The following PLCXD2 variants were observed in gnomAD, a reference collection of about 807,000 sequenced individuals.
PLCXD2 encodes phosphatidylinositol specific phospholipase C X domain containing 2.
Under a neutral mutation model 28.6 loss-of-function variants are expected in PLCXD2, and 21 were observed. The observed-to-expected ratio is 0.73, with a 90% CI of 0.52 to 1.06. The LOEUF (loss-of-function observed/expected upper bound fraction) is 1.06. Ranked by LOEUF, PLCXD2 falls within the 50% of genes least tolerant of loss-of-function variation. The pLI is 0.00. For missense variants in PLCXD2, 369 were observed against 376.7 expected (o/e 0.98, Z 0.17); for synonymous variants, 140 against 150.1 (o/e 0.93, Z 0.49).
chr3:111,688,663 T>A (rs1195189852), intron 1 of PLCXD2, among the ~76,000 whole-genome samples: 1 of 152,192 alleles, frequency 6.6e-6, no homozygotes, highest in African/African-American at 2.4e-5. Flanking sequence ...ATAAAGATAC[T>A]TTGATCAGGC....
intron 1 of PLCXD2, among the ~76,000 whole-genome samples, chr3:111,692,098 G>C (rs1940886148): frequency 6.6e-6 from 1 of 152,216 alleles, no homozygotes; most frequent in Admixed American, 6.5e-5. Context: ...CTGGAGTGCA[G>C]TGGCGCGATC....
intron 1 of PLCXD2, among the ~76,000 whole-genome samples, chr3:111,705,250 G>A (rs1941100839): frequency 6.6e-6 from 1 of 152,156 alleles, no homozygotes; most frequent in Non-Finnish European, 1.5e-5. Flanking sequence ...ACATATGAGT[G>A]ACAATATGTA....
intron 1 of PLCXD2, chr3:111,677,408 G>A (rs1461391788): frequency 6.6e-6 from 1 of 152,148 alleles, no homozygotes; most frequent in Non-Finnish European, 1.5e-5. Context: ...AAATATAGTA[G>A]GCATTTGGGA....
intron 3 of PLCXD2, chr3:111,722,186 T>A (rs7652136): frequency 1.4e-5 from 1 of 74,016 alleles, no homozygotes; most frequent in South Asian, 4.3e-4. Flanking sequence ...TGTTTTGATT[T>A]ATTTATTTAT....
In PLCXD2 at chr3:111,675,180, C is replaced by A; in HGVS notation, c.-66C>A. The A allele has an allele frequency of 6.4e-7, 1 of 1,559,628 alleles. No homozygotes were observed. Among genetic ancestry groups the A allele is most frequent in the South Asian group, 1.2e-5 (1 of 85,094 alleles). On this transcript the variant is annotated 5_prime_UTR_variant, in exon 1 of 5. Transcript: ENST00000477665. ...CGTCGCCCTGAAACGTCCACAGAGC[C>A]CAAGAAGTGATGATCACTGAGTGAG...
In PLCXD2 at chr3:111,674,894, G is replaced by T. The variant is rs1940595474; in HGVS notation, c.-352G>T. Reference sequence around the variant, plus strand: ...GCAGGCATGTCTGTACACTGGGTGGGCACCTGTCTTGTGAGTGGCTCCGGG... The same window carrying T: ...GCAGGCATGTCTGTACACTGGGTGGTCACCTGTCTTGTGAGTGGCTCCGGG... On this transcript the variant is annotated 5_prime_UTR_variant, in exon 1 of 5. Transcript: ENST00000477665. The T allele has an allele frequency of 4.3e-6, 1 of 232,884 alleles. No homozygotes were observed. Among genetic ancestry groups the T allele is most frequent in the Admixed American group, 5.5e-5 (1 of 18,104 alleles). 14.4% of individuals were successfully genotyped at this position (232,884 alleles called of 1,614,324 possible).
rs779034443 is a variant in PLCXD2, at chr3:111,714,125, A to G, written c.863A>G (p.His288Arg). 1.2e-6 allele frequency: 2 copies of G among 1,612,812 alleles called. No homozygotes were observed. The highest frequency in any genetic ancestry group is 1.1e-5 in the South Asian group (1 of 90,890). ...GGGGGCCTCAAGAACACGCTGGTTC[A>G]TAGGTAAGAATTTGCTTCCACCCCA... The change falls in exon 3 of 5, where the codon CAT becomes CGT. Residue 288 changes from histidine to arginine, a missense_variant. Coordinates refer to ENST00000477665, the MANE Select transcript of PLCXD2 (RefSeq NM_001185106.1).
chr3:111,713,035 C>A (rs1363482360), intron 2 of PLCXD2, among the ~76,000 whole-genome samples: 1 of 152,240 alleles, frequency 6.6e-6, no homozygotes, highest in Non-Finnish European at 1.5e-5. Flanking sequence ...ACTCCCCACT[C>A]TCCTGGGAAG....
At chr3:111,701,525 C>T (rs1941041316) in intron 1 of PLCXD2, among the ~76,000 whole-genome samples, 1 of 152,154 alleles carries the variant, frequency 6.6e-6, no homozygotes, top group Non-Finnish European at 1.5e-5. Context: ...GAAGACAATT[C>T]TAAACCCCCA....
intron 1 of PLCXD2, among the ~76,000 whole-genome samples, chr3:111,697,266 C>A (rs1940973705): frequency 6.6e-6 from 1 of 152,206 alleles, no homozygotes. Flanking sequence ...CAGCTACCCT[C>A]CCAGCAGGCT....
At chr3:111,675,761 G>C (rs549304252) in intron 1 of PLCXD2, among the ~76,000 whole-genome samples, 77 of 152,110 alleles carry the variant, frequency 5.1e-4, no homozygotes, top group African/African-American at 1.8e-3. Flanking sequence ...CAAAGGCAAT[G>C]AATTAAAAGT....
At chr3:111,681,962 A>G (rs1055732018) in intron 1 of PLCXD2, among the ~76,000 whole-genome samples, 2 of 152,210 alleles carry the variant, frequency 1.3e-5, no homozygotes. Flanking sequence ...CACTTTGCCA[A>G]TGCTGACTAA....
intron 1 of PLCXD2, among the ~76,000 whole-genome samples, chr3:111,707,150 C>A (rs1941131981): frequency 6.6e-6 from 1 of 152,088 alleles, no homozygotes; most frequent in African/African-American, 2.4e-5. Flanking sequence ...TGCGTTTGGA[C>A]CATTTAATAG....
rs986928817 is a variant in PLCXD2 at position 111,708,073 on chromosome 3, A to G, written c.311A>G (p.Glu104Gly). The change falls in exon 2 of 5, where the codon GAA becomes GGA. Residue 104 changes from glutamate (E) to glycine (G), a missense_variant. Transcript: ENST00000477665. ...GTGACTCAGAACCTGACATTTCGAG[A>G]ACAGCTGGAAGCTGGGATCCGCTAC... The G allele has an allele frequency of 1.9e-6, 3 of 1,614,234 alleles. No homozygotes were observed. The highest frequency in any genetic ancestry group is 2.5e-6 in the Non-Finnish European group (3 of 1,180,042).
At chr3:111,702,030 G>C (rs1301759918) in intron 1 of PLCXD2, among the ~76,000 whole-genome samples, 1 of 152,100 alleles carries the variant, frequency 6.6e-6, no homozygotes. Context: ...AAGAGTCTGG[G>C]CTAGAAAGGA....
intron 1 of PLCXD2, among the ~76,000 whole-genome samples, chr3:111,700,941 C>G (rs1475812208): frequency 6.6e-6 from 1 of 152,178 alleles, no homozygotes; most frequent in Non-Finnish European, 1.5e-5. Context: ...TTAAGATTTT[C>G]AATGTGGGTG....
Position 111,714,110 on chromosome 3 carries a change from A to G in PLCXD2, c.848A>G (p.Lys283Arg). ...GCCCGGGGCTTGGTTGGGGGCCTCA[A>G]GAACACGCTGGTTCATAGGTAAGAA... The change falls in exon 3 of 5, where the codon AAG (lysine) becomes AGG (arginine). Residue 283 changes from lysine (K) to arginine (R), a missense_variant. Lys to Arg is a conservative substitution (Grantham distance 26, BLOSUM62 2). Transcript: ENST00000477665. 6.2e-7 allele frequency: 1 copy of G among 1,614,122 alleles called. No individual in the cohort carries two copies. Among genetic ancestry groups the G allele is most frequent in the Non-Finnish European group, 8.5e-7 (1 of 1,180,010 alleles).
intron 1 of PLCXD2, among the ~76,000 whole-genome samples, chr3:111,702,714 G>A (rs957612042): frequency 1.3e-4 from 20 of 152,142 alleles, no homozygotes; most frequent in Admixed American, 6.6e-4. Flanking sequence ...AGAGAATAAG[G>A]CAAGGATCAG....
At chr3:111,720,775 G>T in intron 3 of PLCXD2, 1 of 416,900 alleles carries the variant, frequency 2.4e-6, no homozygotes, top group Non-Finnish European at 4.4e-6. Context: ...TGGAGCCATG[G>T]GTGTCAACAT....
Sources: allele counts gnomAD v4.1 joint callset (sites outside exome capture counted in the v4.1 genomes callset), GRCh38; gene constraint gnomAD v4.1.1; transcripts MANE v1.5; gene names NCBI Gene and HGNC (gene_info 2026-07-23, HGNC 2026-07-21).